Variants in SCLT1 observed in about 807,000 individuals in gnomAD.
SCLT1 encodes sodium channel and clathrin linker 1.
Under a neutral mutation model 112.8 loss-of-function variants are expected in SCLT1, and 78 were observed. That is an observed-to-expected ratio of 0.69 (90% CI 0.58 to 0.83). The LOEUF (loss-of-function observed/expected upper bound fraction) is 0.83. Among genes scored for constraint, SCLT1 ranks in the 40% least tolerant of loss-of-function variants. The probability of loss-of-function intolerance (pLI) is 0.00; values close to 1 mark genes in which losing one functional copy is unlikely to be tolerated. For missense variants in SCLT1, 747 were observed against 770.4 expected (o/e 0.97, Z 0.36); for synonymous variants, 257 against 254.7 (o/e 1.01, Z -0.09).
At chr4:129,029,545 G>A (rs887445363) in intron 5 of SCLT1, among the ~76,000 whole-genome samples, 1 of 141,068 alleles carries the variant, frequency 7.1e-6, no homozygotes, top group African/African-American at 2.6e-5. Context: ...AGGGAGGGGG[G>A]AGGGATAGCA....
intron 9 of SCLT1, among the ~76,000 whole-genome samples, chr4:128,989,610 A>G (rs979352671): frequency 3.3e-5 from 5 of 151,806 alleles, no homozygotes; most frequent in Admixed American, 1.3e-4. Flanking sequence ...TATAAGAAAT[A>G]ATAAAGAGCA....
intron 5 of SCLT1, among the ~76,000 whole-genome samples, chr4:129,027,534 A>G (rs928730696): frequency 5.9e-5 from 9 of 152,206 alleles, no homozygotes; most frequent in African/African-American, 1.7e-4. Context: ...TCTCAAAATA[A>G]TAAGAGCTAT....
chr4:129,092,908 A>C (rs890258984), intron 1 of SCLT1, among the ~76,000 whole-genome samples, 162 bp downstream of exon 1: 1 of 152,072 alleles, frequency 6.6e-6, no homozygotes, highest in Non-Finnish European at 1.5e-5. Flanking sequence ...AAATATACAC[A>C]CATCCTCACG....
chr4:128,924,153 A>T (rs114373936), intron 18 of SCLT1, among the ~76,000 whole-genome samples: 4,215 of 151,540 alleles, frequency 0.028, 88 homozygotes, highest in Non-Finnish European at 0.046. Context: ...TTGTAAGATT[A>T]AAAAAAAATC....
intron 5 of SCLT1, among the ~76,000 whole-genome samples, chr4:129,032,130 A>C (rs1055800255): frequency 1.3e-5 from 2 of 152,156 alleles, no homozygotes; most frequent in Non-Finnish European, 2.9e-5. Flanking sequence ...TACTGGTATC[A>C]AATCAGATAT....
chr4:128,889,989 T>C lies in SCLT1; in HGVS notation c.1908+1070A>G, dbSNP rs146691881. Among the ~76,000 whole-genome samples the C allele has an allele frequency of 1.4e-3, 215 of 152,314 alleles. 1 individual carries two copies. The highest frequency in any genetic ancestry group is 4.9e-3 in the African/African-American group (203 of 41,594). Reference sequence around the variant, plus strand: ...AATGAGCTTATTATATTTCTTATTATGCCCAAAAGCAAAATTAAATGTTAT... The same window carrying C: ...AATGAGCTTATTATATTTCTTATTACGCCCAAAAGCAAAATTAAATGTTAT... On this transcript the variant is annotated intron_variant, in intron 19 of 20. Coordinates refer to ENST00000281142, the MANE Select transcript of SCLT1 (RefSeq NM_144643.4).
At chr4:129,025,560 G>A (rs1390634713) in intron 5 of SCLT1, among the ~76,000 whole-genome samples, 1 of 152,046 alleles carries the variant, frequency 6.6e-6, no homozygotes, top group Non-Finnish European at 1.5e-5. Context: ...CACTAAACAT[G>A]GAAAGGAACA....
chr4:129,049,641 G>A (rs1423910582), intron 2 of SCLT1, among the ~76,000 whole-genome samples: 1 of 142,212 alleles, frequency 7.0e-6, no homozygotes, highest in East Asian at 2.1e-4. Context: ...AAAAAAAAAA[G>A]AGACGGGGTG....
chr4:128,972,772 C>G (rs1740802158), intron 9 of SCLT1, among the ~76,000 whole-genome samples: 1 of 152,176 alleles, frequency 6.6e-6, no homozygotes, highest in South Asian at 2.1e-4. Context: ...AAACTCATCT[C>G]TTCACTGATG....
Position 129,039,104 on chromosome 4 carries a change from A to T in SCLT1, c.235-8T>A, listed in dbSNP as rs1411521551. 1.3e-6 allele frequency: 2 copies of T among 1,589,794 alleles called. No homozygotes were observed. The highest frequency in any genetic ancestry group is 2.7e-5 in the African/African-American group (2 of 74,442). On this transcript the variant is annotated splice_polypyrimidine_tract_variant and splice_region_variant and intron_variant, in intron 4 of 20. Transcript: ENST00000281142. ...CATCTCACCCACCTGTTTCTGAAAG[A>T]ATAAAATATGGTGTGGCAATACATT...
chr4:128,916,526 T>C (rs764106317), intron 18 of SCLT1, among the ~76,000 whole-genome samples: 1 of 152,202 alleles, frequency 6.6e-6, no homozygotes, highest in Non-Finnish European at 1.5e-5. Context: ...CACCAAAGCA[T>C]ACTGACTGAC....
intron 13 of SCLT1, among the ~76,000 whole-genome samples, chr4:128,954,690 G>A (rs1013178522): frequency 6.6e-6 from 1 of 152,164 alleles, no homozygotes; most frequent in East Asian, 1.9e-4. Flanking sequence ...TTCTGTTTAT[G>A]AAATCAGTAA....
chr4:129,021,013 C>T (rs1262489493), intron 5 of SCLT1, among the ~76,000 whole-genome samples: 9 of 152,170 alleles, frequency 5.9e-5, no homozygotes, highest in African/African-American at 1.7e-4. Context: ...GCAAGACCAA[C>T]GCAGAAGGAA....
At chr4:129,084,551 A>C (rs1752234154) in intron 1 of SCLT1, among the ~76,000 whole-genome samples, 1 of 152,082 alleles carries the variant, frequency 6.6e-6, no homozygotes, top group Non-Finnish European at 1.5e-5. Flanking sequence ...CAAAAAAGAG[A>C]CTGAATAGCC....
At chr4:128,900,506 C>T (rs1294513684) in intron 18 of SCLT1, among the ~76,000 whole-genome samples, 3 of 152,182 alleles carry the variant, frequency 2.0e-5, no homozygotes, top group South Asian at 2.1e-4. Context: ...CCCTTCCTTA[C>T]ACCTTATACA....
At chr4:128,970,248 T>C in intron 10 of SCLT1, 130 bp downstream of exon 10, 1 of 637,616 alleles carries the variant, frequency 1.6e-6, no homozygotes, top group Admixed American at 2.9e-5. Context: ...CCTACTTTCA[T>C]ATTTTAAGGG....
chr4:128,947,541 C>A (rs1403377235), intron 15 of SCLT1, among the ~76,000 whole-genome samples: 1 of 152,132 alleles, frequency 6.6e-6, no homozygotes, highest in Non-Finnish European at 1.5e-5. Flanking sequence ...GAAAATCAAA[C>A]TCTGACTCTA....
At chr4:129,000,535 G>A (rs1277767602) in intron 6 of SCLT1, among the ~76,000 whole-genome samples, 1 of 151,716 alleles carries the variant, frequency 6.6e-6, no homozygotes, top group Admixed American at 6.6e-5. Context: ...AACATTTTTC[G>A]CCTTTTTACT....
At chr4:128,957,202 A>G in intron 12 of SCLT1, 78 bp from the exon 13 acceptor site, 1 of 738,196 alleles carries the variant, frequency 1.4e-6, no homozygotes. Context: ...CCTATCCACT[A>G]GTCACTTCCT....
Sources: allele counts gnomAD v4.1 joint callset (sites outside exome capture counted in the v4.1 genomes callset), GRCh38; gene constraint gnomAD v4.1.1; transcripts MANE v1.5; gene names NCBI Gene and HGNC (gene_info 2026-07-23, HGNC 2026-07-21).